ADGRB3: variants seen among roughly 807,000 people sequenced by gnomAD.
ADGRB3 encodes the protein brain-specific angiogenesis inhibitor 3.
ADGRB3 carries 37 observed loss-of-function variants against 193.4 expected under a neutral mutation model. The observed-to-expected ratio is 0.19, with a 90% CI of 0.15 to 0.25. The LOEUF (loss-of-function observed/expected upper bound fraction) is 0.25. ADGRB3 is among the 10% of genes least tolerant of loss of function. ADGRB3 has a pLI of 1.00. For synonymous variants in ADGRB3, 690 were observed against 644.2 expected (o/e 1.07, Z -1.08); for missense variants, 1,637 against 1,852.9 (o/e 0.88, Z 2.14).
chr6:69,085,743 T>C (rs906032444), intron 17 of ADGRB3, among the ~76,000 whole-genome samples: 5 of 151,968 alleles, frequency 3.3e-5, no homozygotes, highest in Middle Eastern at 3.2e-3. Context: ...GTACCTAACA[T>C]TGACTGTTTT....
rs539731243 is a variant in ADGRB3 at position 68,914,286 on chromosome 6, C to G, written c.758-16273C>G. The stretch of plus-strand genomic sequence containing the variant: ...ATGAAGGAAAAAATGTTAAGGGCAG[C>G]CAGAGAGAAAGGTCGGGTTACCCAC... On this transcript the variant is annotated intron_variant, in intron 3 of 31. Transcript: ENST00000370598. Among the ~76,000 whole-genome samples, 345 of 151,802 alleles carry G rather than the reference C, an allele frequency of 2.3e-3. 1 individual carries two copies. The highest frequency in any genetic ancestry group is 8.0e-3 in the African/African-American group (333 of 41,404).
chr6:68,717,773 C>T (rs1765511829), intron 3 of ADGRB3, among the ~76,000 whole-genome samples: 1 of 151,398 alleles, frequency 6.6e-6, no homozygotes, highest in Admixed American at 6.6e-5. Context: ...GTTAATGTGT[C>T]TCAAGAAAAA....
intron 3 of ADGRB3, among the ~76,000 whole-genome samples, chr6:68,894,429 G>A (rs190519921): frequency 1.3e-5 from 2 of 152,010 alleles, no homozygotes; most frequent in Non-Finnish European, 2.9e-5. Flanking sequence ...CAAGGTATAT[G>A]TCAATTTCTT....
intron 3 of ADGRB3, among the ~76,000 whole-genome samples, chr6:68,753,005 A>G (rs1766230385): frequency 6.6e-6 from 1 of 152,200 alleles, no homozygotes; most frequent in Non-Finnish European, 1.5e-5. Flanking sequence ...GAGGTAGGGT[A>G]CATGAAGCAG....
intron 17 of ADGRB3, among the ~76,000 whole-genome samples, chr6:69,197,870 C>T (rs907743139): frequency 6.6e-6 from 1 of 151,994 alleles, no homozygotes; most frequent in Non-Finnish European, 1.5e-5. Flanking sequence ...TGGAGCTTTT[C>T]CTCCCTTTGT....
At chr6:69,118,438 G>GGC (rs1424819156) in intron 17 of ADGRB3, among the ~76,000 whole-genome samples, 1 of 132,414 alleles carries the variant, frequency 7.6e-6, no homozygotes, top group African/African-American at 2.5e-5. Flanking sequence ...TAAAGTCTCA[G>GGC]GCTACCAGAG....
chr6:69,337,659 G>A (rs956704243), intron 24 of ADGRB3, among the ~76,000 whole-genome samples: 6 of 152,146 alleles, frequency 3.9e-5, no homozygotes, highest in African/African-American at 1.4e-4. Flanking sequence ...GAGGGATTTA[G>A]TGTCATATTC....
intron 3 of ADGRB3, among the ~76,000 whole-genome samples, chr6:68,925,048 A>C (rs1420059640): frequency 6.6e-6 from 1 of 151,912 alleles, no homozygotes; most frequent in Non-Finnish European, 1.5e-5. Flanking sequence ...ATCCGTTTAA[A>C]AATTGTATTC....
intron 11 of ADGRB3, among the ~76,000 whole-genome samples, chr6:69,006,213 G>T (rs553861578): frequency 1.3e-4 from 20 of 152,036 alleles, no homozygotes; most frequent in Non-Finnish European, 2.8e-4. Context: ...ATGAGGTAGA[G>T]TTGAAGCCAT....
chr6:68,993,197 T>C (rs1196975932), intron 10 of ADGRB3, among the ~76,000 whole-genome samples: 1 of 140,704 alleles, frequency 7.1e-6, no homozygotes, highest in African/African-American at 2.6e-5. Flanking sequence ...TGCTGTTTTT[T>C]TTTAAAAAAA....
rs540472651 is a variant in ADGRB3, at chr6:68,774,507, A to C, written c.757+135075A>C. ...TAACCCCCAAATGAAACTAGGTTAA[A>C]TTCCCCTCAGTTTTGCTTTTGTAAT... On this transcript the variant is annotated intron_variant, in intron 3 of 31. Coordinates refer to ENST00000370598, the MANE Select transcript of ADGRB3 (RefSeq NM_001704.3). 3.1e-4 allele frequency among the ~76,000 whole-genome samples: 47 copies of C among 151,940 alleles called. No homozygotes were observed. In the South Asian group the frequency reaches 9.1e-3, roughly 30 times the overall value.
intron 3 of ADGRB3, among the ~76,000 whole-genome samples, chr6:68,901,441 A>T (rs1428149769): frequency 2.0e-5 from 3 of 152,160 alleles, no homozygotes. Context: ...AATCATCATT[A>T]CCTCTGCAAT....
intron 20 of ADGRB3, among the ~76,000 whole-genome samples, chr6:69,254,693 A>G (rs1330457327): frequency 6.7e-6 from 1 of 149,136 alleles, no homozygotes; most frequent in African/African-American, 2.5e-5. Context: ...ATGCCTTTGT[A>G]TTTCTTTTTT....
At chr6:68,644,784 T>G (rs1768163272) in intron 3 of ADGRB3, among the ~76,000 whole-genome samples, 1 of 152,182 alleles carries the variant, frequency 6.6e-6, no homozygotes, top group Non-Finnish European at 1.5e-5. Flanking sequence ...GGTAGCATAT[T>G]TTTTGTAGAC....
intron 20 of ADGRB3, among the ~76,000 whole-genome samples, chr6:69,297,561 T>C (rs1767856750): frequency 6.6e-6 from 1 of 151,744 alleles, no homozygotes; most frequent in Non-Finnish European, 1.5e-5. Context: ...GGGATTTCGG[T>C]GGGGGAGGAG....
chr6:69,385,431 C>T (rs746700895), intron 31 of ADGRB3, among the ~76,000 whole-genome samples: 18 of 151,954 alleles, frequency 1.2e-4, no homozygotes, highest in Non-Finnish European at 1.9e-4. Flanking sequence ...TCTGGATCCA[C>T]GAACTATGGG....
chr6:69,114,117 G>A (rs1773454468), intron 17 of ADGRB3, among the ~76,000 whole-genome samples: 2 of 152,024 alleles, frequency 1.3e-5, no homozygotes, highest in Admixed American at 1.3e-4. Flanking sequence ...ACTACTCACT[G>A]AATACTCACC....
intron 20 of ADGRB3, among the ~76,000 whole-genome samples, chr6:69,277,002 C>CT (rs1320158134): frequency 0.027 from 3,755 of 138,304 alleles, 76 homozygotes; most frequent in Non-Finnish European, 0.042. Context: ...TTTTTTTTTC[C>CT]TTTTTTTTTT....
At chr6:68,810,368 A>G (rs1357454104) in intron 3 of ADGRB3, among the ~76,000 whole-genome samples, 1 of 152,220 alleles carries the variant, frequency 6.6e-6, no homozygotes, top group African/African-American at 2.4e-5. Context: ...ACTATCAACA[A>G]TGGCCAGACC....
Sources: gnomAD v4.1 joint callset for allele counts (sites outside exome capture counted in the v4.1 genomes callset) on GRCh38, gnomAD v4.1.1 for gene constraint, MANE v1.5 for transcripts, NCBI Gene and HGNC (gene_info 2026-07-23, HGNC 2026-07-21) for gene names.